The following SOX5 variants were observed in gnomAD, a reference collection of about 807,000 sequenced individuals.
SOX5 encodes SRY-box transcription factor 5.
Under a neutral mutation model 92.0 loss-of-function variants are expected in SOX5, and 9 were observed. That is an observed-to-expected ratio of 0.10 (90% CI 0.06 to 0.17). SOX5 has a LOEUF of 0.17. Among genes scored for constraint, SOX5 ranks in the 10% least tolerant of loss-of-function variants. SOX5 has a pLI of 1.00. For missense variants in SOX5, 642 were observed against 944.5 expected (o/e 0.68, Z 4.20); for synonymous variants, 344 against 336.3 (o/e 1.02, Z -0.25).
In SOX5 at chr12:23,762,270, G is replaced by C. The variant is rs897734789; in HGVS notation, c.482-6546C>G. 2.0e-5 allele frequency among the ~76,000 whole-genome samples: 3 copies of C among 151,998 alleles called. No individual in the cohort carries two copies. The South Asian group carries it at 6.2e-4, about 31-fold the overall frequency. On this transcript the variant is annotated intron_variant, in intron 3 of 14. Coordinates refer to ENST00000451604, the MANE Select transcript of SOX5 (RefSeq NM_006940.6). The stretch of plus-strand genomic sequence containing the variant: ...AAAAAATAACCTGGGCACAGTGGTG[G>C]GCCTATAGTCCCAGCTACTCAGGAG...
chr12:23,979,707 G>GTTGTTGTTTTTTTTTTTT (rs1949333613), intron 4 of SOX5, among the ~76,000 whole-genome samples: 1 of 77,472 alleles, frequency 1.3e-5, no homozygotes, highest in African/African-American at 5.5e-5. Context: ...TGTTTTTTTT[G>GTTGTTGTTTTTTTTTTTT]TTTTTTTTTT....
intron 9 of SOX5, among the ~76,000 whole-genome samples, chr12:23,577,747 A>G (rs1160571343): frequency 6.6e-6 from 1 of 152,140 alleles, no homozygotes; most frequent in Non-Finnish European, 1.5e-5. Context: ...ATTGATTCAT[A>G]AGATCTTGAC....
At chr12:24,373,032 G>A (rs1956902589) in intron 1 of SOX5, among the ~76,000 whole-genome samples, 1 of 151,502 alleles carries the variant, frequency 6.6e-6, no homozygotes, top group African/African-American at 2.4e-5. Flanking sequence ...GTGGGAGGAT[G>A]ATGTAAGCCT....
intron 2 of SOX5, among the ~76,000 whole-genome samples, chr12:24,358,201 G>A (rs1032165410): frequency 1.3e-5 from 2 of 152,150 alleles, no homozygotes; most frequent in Non-Finnish European, 2.9e-5. Flanking sequence ...ACAGATGGGA[G>A]GTTTGTGTAA....
At chr12:23,705,362 G>C (rs192190622) in intron 6 of SOX5, among the ~76,000 whole-genome samples, 26 of 152,144 alleles carry the variant, frequency 1.7e-4, no homozygotes, top group Non-Finnish European at 2.9e-5. Flanking sequence ...TGATCTACCT[G>C]TCAGCACTAG....
At chr12:23,648,480 A>G (rs1398256197) in intron 7 of SOX5, among the ~76,000 whole-genome samples, 1 of 152,252 alleles carries the variant, frequency 6.6e-6, no homozygotes, top group African/African-American at 2.4e-5. Flanking sequence ...GAGCCTTTAA[A>G]GAGCTAATTT....
At chr12:23,687,187 C>T (rs1453810461) in intron 6 of SOX5, among the ~76,000 whole-genome samples, 1 of 152,022 alleles carries the variant, frequency 6.6e-6, no homozygotes, top group Non-Finnish European at 1.5e-5. Flanking sequence ...AATGGGCCTA[C>T]ATGTGTCGTC....
intron 7 of SOX5, among the ~76,000 whole-genome samples, chr12:23,660,811 CTT>C (rs2082939282): frequency 6.6e-6 from 1 of 152,050 alleles, no homozygotes; most frequent in South Asian, 2.1e-4. Context: ...TCATGGGACT[CTT>C]AAAAACAAAG....
chr12:24,150,475 G>A (rs1043630941), intron 4 of SOX5, among the ~76,000 whole-genome samples: 1 of 152,084 alleles, frequency 6.6e-6, no homozygotes, highest in Non-Finnish European at 1.5e-5. Context: ...TTTATGGACG[G>A]AAGATAAAAA....
At chr12:23,600,666 C>G (rs1158379193) in intron 9 of SOX5, among the ~76,000 whole-genome samples, 2 of 151,144 alleles carry the variant, frequency 1.3e-5, no homozygotes, top group Non-Finnish European at 3.0e-5. Context: ...GTTCAAGGAC[C>G]TGTAACTCAA....
chr12:23,578,914 A>T (rs1949643885), intron 9 of SOX5, among the ~76,000 whole-genome samples: 1 of 151,706 alleles, frequency 6.6e-6, no homozygotes. Flanking sequence ...GTTTTACTTG[A>T]ATGTGAAGAG....
chr12:23,899,911 C>G (rs80308328), intron 1 of SOX5, among the ~76,000 whole-genome samples: 6,091 of 152,062 alleles, frequency 0.04, 376 homozygotes, highest in African/African-American at 0.13. Flanking sequence ...CAGTTCAGTC[C>G]GTAGATCAAA....
At position 24,148,194 on chromosome 12, in the gene SOX5, T is replaced by C. The variant is rs374986602; in HGVS notation, c.-2+65149A>G. Among the ~76,000 whole-genome samples, 4 of 152,036 alleles carry C rather than the reference T, an allele frequency of 2.6e-5. No homozygotes were observed. The East Asian group carries it at 5.8e-4, about 22-fold the overall frequency. Reference sequence around the variant, plus strand: ...ACTATGATAATAATGAAAGTGTAAGTGGCATAAAAAGGGACAAACAGGCCA... The same window carrying C: ...ACTATGATAATAATGAAAGTGTAAGCGGCATAAAAAGGGACAAACAGGCCA... On this transcript the variant is annotated intron_variant, in intron 4 of 4. Coordinates refer to the SOX5 transcript ENST00000446891.
chr12:23,949,361 G>A (rs932105163), intron 1 of SOX5, among the ~76,000 whole-genome samples: 1 of 152,124 alleles, frequency 6.6e-6, no homozygotes, highest in Non-Finnish European at 1.5e-5. Context: ...AAAAACATTA[G>A]CAGAAATCTC....
At chr12:24,011,676 T>G (rs1015988414) in intron 4 of SOX5, among the ~76,000 whole-genome samples, 9 of 152,134 alleles carry the variant, frequency 5.9e-5, no homozygotes, top group Non-Finnish European at 1.3e-4. Context: ...GGAGTTAAAA[T>G]CACCTTAACA....
chr12:24,280,924 G>A (rs1945095104), intron 2 of SOX5, among the ~76,000 whole-genome samples: 1 of 149,872 alleles, frequency 6.7e-6, no homozygotes, highest in African/African-American at 2.5e-5. Context: ...CAAATATAGG[G>A]CAACCCAGTA....
intron 4 of SOX5, among the ~76,000 whole-genome samples, chr12:24,142,638 G>A (rs1375020613): frequency 1.3e-5 from 2 of 151,946 alleles, no homozygotes; most frequent in Non-Finnish European, 2.9e-5. Flanking sequence ...ACAATGCTTT[G>A]CAAATATTGA....
chr12:23,697,810 C>A (rs893962561), intron 6 of SOX5, among the ~76,000 whole-genome samples: 3 of 152,160 alleles, frequency 2.0e-5, no homozygotes, highest in Admixed American at 1.3e-4. Context: ...CTTGGCCTCC[C>A]AAAGTGCTGG....
intron 3 of SOX5, among the ~76,000 whole-genome samples, chr12:23,823,493 C>A (rs1214832642): frequency 6.6e-6 from 1 of 152,170 alleles, no homozygotes; most frequent in South Asian, 2.1e-4. Context: ...TGCTATTAGT[C>A]TGATGGGCTT....
Sources: allele counts gnomAD v4.1 joint callset (sites outside exome capture counted in the v4.1 genomes callset), GRCh38; gene constraint gnomAD v4.1.1; transcripts MANE v1.5; gene names NCBI Gene and HGNC (gene_info 2026-07-23, HGNC 2026-07-21).